The following GNAQ variants were observed in gnomAD, a reference collection of about 807,000 sequenced individuals.
GNAQ encodes the protein guanine nucleotide-binding protein G(q) subunit alpha.
In GNAQ, 8 loss-of-function variants were observed where a neutral mutation model predicts 43.9. The observed-to-expected ratio is 0.18, with a 90% CI of 0.11 to 0.33. GNAQ has a LOEUF of 0.33. Among genes scored for constraint, GNAQ ranks in the 10% least tolerant of loss-of-function variants. The probability of loss-of-function intolerance (pLI) is 1.00; values close to 1 mark genes in which losing one functional copy is unlikely to be tolerated. For synonymous variants in GNAQ, 155 were observed against 170.7 expected (o/e 0.91, Z 0.71); for missense variants, 158 against 450.8 (o/e 0.35, Z 5.88).
chr9:77,776,830 T>C (rs979751481), intron 5 of GNAQ, among the ~76,000 whole-genome samples: 3 of 151,030 alleles, frequency 2.0e-5, no homozygotes, highest in Admixed American at 6.6e-5. Context: ...CTGATCTACA[T>C]AGTCAACATC....
chr9:77,992,005 T>C (rs2118524716), intron 1 of GNAQ, among the ~76,000 whole-genome samples: 3 of 152,348 alleles, frequency 2.0e-5, no homozygotes, highest in Admixed American at 2.0e-4. Flanking sequence ...TTTTTGCAAT[T>C]GCAAATTGTG....
At chr9:77,819,593 C>A (rs1041020306) in intron 2 of GNAQ, among the ~76,000 whole-genome samples, 1 of 151,982 alleles carries the variant, frequency 6.6e-6, no homozygotes, top group Non-Finnish European at 1.5e-5. Context: ...GCTTATTAGG[C>A]CTGCTCTGTC....
chr9:78,001,245 A>C lies in GNAQ; in HGVS notation c.136+29855T>G, dbSNP rs530934003. ...AAACCCCATCTCTACTAAAAATACAAAAAAAAATTGCCAGGCTTGGTAGTG... is the reference window on the plus strand; with the variant it reads ...AAACCCCATCTCTACTAAAAATACACAAAAAAATTGCCAGGCTTGGTAGTG... On this transcript the variant is annotated intron_variant, in intron 1 of 6. Transcript: ENST00000286548. 1.7e-3 allele frequency among the ~76,000 whole-genome samples: 264 copies of C among 151,930 alleles called. 1 individual carries two copies. Among genetic ancestry groups the C allele is most frequent in the African/African-American group, 6.1e-3 (251 of 41,438 alleles).
At chr9:77,874,717 C>T (rs562233883) in intron 2 of GNAQ, among the ~76,000 whole-genome samples, 13 of 152,098 alleles carry the variant, frequency 8.5e-5, no homozygotes, top group African/African-American at 2.7e-4. Flanking sequence ...CTCCACCACC[C>T]GGGCTTAAGT....
chr9:77,881,012 C>T (rs1035828153), intron 2 of GNAQ, among the ~76,000 whole-genome samples: 25 of 152,134 alleles, frequency 1.6e-4, no homozygotes, highest in African/African-American at 5.3e-4. Context: ...GCCAGGCTCA[C>T]CATAGGAGTT....
chr9:77,887,661 C>G (rs922032687), intron 2 of GNAQ, among the ~76,000 whole-genome samples: 1 of 152,136 alleles, frequency 6.6e-6, no homozygotes, highest in African/African-American at 2.4e-5. Context: ...ATCTTCTAAT[C>G]CCCCCAGTTA....
intron 2 of GNAQ, among the ~76,000 whole-genome samples, chr9:77,862,907 G>A (rs931661491): frequency 5.3e-5 from 8 of 152,246 alleles, no homozygotes; most frequent in East Asian, 1.9e-4. Context: ...CGCCAGACAC[G>A]GTGGCTCATG....
chr9:77,876,498 A>G (rs1488850106), intron 2 of GNAQ, among the ~76,000 whole-genome samples: 1 of 152,242 alleles, frequency 6.6e-6, no homozygotes, highest in East Asian at 1.9e-4. Context: ...TACCTGCTGG[A>G]TAACAGGGAC....
chr9:77,931,471 G>C (rs1051539452), intron 1 of GNAQ, among the ~76,000 whole-genome samples: 1 of 151,886 alleles, frequency 6.6e-6, no homozygotes, highest in Non-Finnish European at 1.5e-5. Context: ...AGCACCTGTG[G>C]TCCCAGCTAC....
chr9:77,781,515 A>T (rs1323798726), intron 5 of GNAQ, among the ~76,000 whole-genome samples: 2 of 152,148 alleles, frequency 1.3e-5, no homozygotes, highest in Non-Finnish European at 2.9e-5. Context: ...CTAACTCATT[A>T]TGAGGCCAGC....
intron 1 of GNAQ, among the ~76,000 whole-genome samples, chr9:77,988,708 T>C (rs926009666): frequency 2.0e-5 from 3 of 152,342 alleles, no homozygotes; most frequent in South Asian, 2.1e-4. Flanking sequence ...GTTGTTATTA[T>C]AGAAGACTCA....
intron 5 of GNAQ, among the ~76,000 whole-genome samples, chr9:77,770,732 T>C (rs1159828207): frequency 1.3e-5 from 2 of 152,148 alleles, no homozygotes; most frequent in African/African-American, 4.8e-5. Context: ...GGGAGGAAAA[T>C]TGAACATCAT....
chr9:77,731,019 G>T (rs748409783), intron 5 of GNAQ, among the ~76,000 whole-genome samples: 1 of 152,134 alleles, frequency 6.6e-6, no homozygotes, highest in Non-Finnish European at 1.5e-5. Flanking sequence ...CTTCAGAGGA[G>T]CCCCATCTAA....
chr9:77,719,028 T>C lies in GNAQ; in HGVS notation c.*2295A>G, dbSNP rs1418489163. ...ATGTATTTTGCTATGAAATTACCTTTGGGTCTTATAATCAGTATACCTCTA... is the reference window on the plus strand; with the variant it reads ...ATGTATTTTGCTATGAAATTACCTTCGGGTCTTATAATCAGTATACCTCTA... On this transcript the variant is annotated 3_prime_UTR_variant, in exon 7 of 7. Transcript: ENST00000286548. 8.6e-6 allele frequency: 2 copies of C among 232,234 alleles called. No individual in the cohort carries two copies. Among genetic ancestry groups the C allele is most frequent in the Non-Finnish European group, 1.7e-5 (2 of 117,502 alleles). 14.4% of individuals were successfully genotyped at this position (232,234 alleles called of 1,614,324 possible). A position where few individuals can be genotyped will look rare whatever the true frequency, so the allele number is the denominator to read the frequency against.
intron 2 of GNAQ, among the ~76,000 whole-genome samples, chr9:77,892,215 C>T (rs1010823709): frequency 2.0e-5 from 3 of 152,122 alleles, no homozygotes; most frequent in Non-Finnish European, 4.4e-5. Flanking sequence ...ACAGTGGGGC[C>T]TCTCTCCCCT....
intron 5 of GNAQ, among the ~76,000 whole-genome samples, chr9:77,789,713 C>T (rs1028964294): frequency 3.3e-5 from 5 of 152,090 alleles, no homozygotes; most frequent in African/African-American, 9.7e-5. Flanking sequence ...GCCTTTTTCA[C>T]ATAATTCATC....
chr9:77,907,203 A>G (rs1292529700), intron 2 of GNAQ, among the ~76,000 whole-genome samples: 1 of 152,150 alleles, frequency 6.6e-6, no homozygotes, highest in Non-Finnish European at 1.5e-5. Context: ...ATTTGTGACC[A>G]AGTTTTTCAT....
chr9:77,909,455 C>T (rs1000191320), intron 2 of GNAQ, among the ~76,000 whole-genome samples: 3 of 152,130 alleles, frequency 2.0e-5, no homozygotes, highest in East Asian at 1.9e-4. Context: ...TTTTTAAGGA[C>T]GTTTCACCAC....
In GNAQ at chr9:77,914,754, C is replaced by G. The variant is rs369228200; in HGVS notation, c.321+7407G>C. ...TGAAAAAGCATAGGCTGTTTTGGTACCCTGTGGCCAAGAATCCAATTAAAA... is the reference window on the plus strand; with the variant it reads ...TGAAAAAGCATAGGCTGTTTTGGTAGCCTGTGGCCAAGAATCCAATTAAAA... On this transcript the variant is annotated intron_variant, in intron 2 of 6. Coordinates refer to ENST00000286548, the MANE Select transcript of GNAQ (RefSeq NM_002072.5). Among the ~76,000 whole-genome samples the G allele has an allele frequency of 2.0e-5, 3 of 151,102 alleles. No homozygotes were observed. The East Asian group carries it at 5.8e-4, about 29-fold the overall frequency.
Sources: gnomAD v4.1 joint callset for allele counts (sites outside exome capture counted in the v4.1 genomes callset) on GRCh38, gnomAD v4.1.1 for gene constraint, MANE v1.5 for transcripts, NCBI Gene and HGNC (gene_info 2026-07-23, HGNC 2026-07-21) for gene names.